AGBL4: variants seen among roughly 807,000 people sequenced by gnomAD.
AGBL4 encodes AGBL carboxypeptidase 4, also known as cytosolic carboxypeptidase 6.
A neutral mutation model predicts 66.4 loss-of-function variants in AGBL4; 58 were observed. The observed-to-expected ratio is 0.87, with a 90% CI of 0.71 to 1.09. The LOEUF is 1.09. Ranked by LOEUF, AGBL4 falls within the 50% of genes least tolerant of loss-of-function variation. The pLI is 0.00. For missense variants in AGBL4, 579 were observed against 631.0 expected, an observed-to-expected ratio of 0.92 and a Z score of 0.88; for synonymous variants, 234 against 222.9, an observed-to-expected ratio of 1.05 and a Z score of -0.44.
intron 2 of AGBL4, chr1:49,845,819 G>C (rs994380134): frequency 9.8e-6 from 15 of 1,527,274 alleles, no homozygotes; most frequent in Non-Finnish European, 1.2e-5. Context: ...ATGCACACAG[G>C]AGAGAAGCCG....
intron 6 of AGBL4, among the ~76,000 whole-genome samples, chr1:48,811,167 T>C (rs1389222035): frequency 2.6e-5 from 2 of 76,988 alleles, no homozygotes; most frequent in African/African-American, 1.1e-4. Context: ...AGATTGGGAG[T>C]GCAAGGTAGT....
At chr1:48,567,093 C>T (rs1644489440) in intron 11 of AGBL4, among the ~76,000 whole-genome samples, 1 of 152,176 alleles carries the variant, frequency 6.6e-6, no homozygotes, top group Non-Finnish European at 1.5e-5. Flanking sequence ...TGTCTGTTTA[C>T]CTTCATCAGG....
intron 3 of AGBL4, among the ~76,000 whole-genome samples, chr1:49,566,697 A>C (rs1042751625): frequency 6.6e-5 from 10 of 152,286 alleles, no homozygotes; most frequent in Admixed American, 1.3e-4. Flanking sequence ...GTGAGGTGTC[A>C]GTCCGCCCCT....
intron 4 of AGBL4, among the ~76,000 whole-genome samples, chr1:49,243,666 T>C (rs1177342528): frequency 3.3e-5 from 5 of 151,636 alleles, no homozygotes; most frequent in African/African-American, 4.8e-5. Flanking sequence ...CAACAGTGCA[T>C]AGCACATGAA....
At chr1:49,383,965 T>C (rs182939583) in intron 3 of AGBL4, among the ~76,000 whole-genome samples, 4 of 151,902 alleles carry the variant, frequency 2.6e-5, no homozygotes, top group African/African-American at 9.7e-5. Flanking sequence ...CCCAGCTAAT[T>C]TTTTGTATTT....
chr1:49,055,127 T>C (rs935348397), intron 4 of AGBL4, among the ~76,000 whole-genome samples: 1 of 152,046 alleles, frequency 6.6e-6, no homozygotes, highest in Non-Finnish European at 1.5e-5. Context: ...AGCTTATTAG[T>C]AGAGTCTTTT....
chr1:49,576,281 G>A (rs1351245429), intron 3 of AGBL4, among the ~76,000 whole-genome samples: 1 of 152,194 alleles, frequency 6.6e-6, no homozygotes, highest in Non-Finnish European at 1.5e-5. Context: ...TCCAGAACAG[G>A]AGAAGGCTCT....
chr1:48,684,650 A>G (rs1276302694), intron 6 of AGBL4, among the ~76,000 whole-genome samples: 1 of 152,238 alleles, frequency 6.6e-6, no homozygotes, highest in Non-Finnish European at 1.5e-5. Flanking sequence ...GGCAACATGC[A>G]TCTAACAGTT....
intron 6 of AGBL4, among the ~76,000 whole-genome samples, chr1:48,863,474 T>C (rs1647682065): frequency 6.6e-6 from 1 of 152,086 alleles, no homozygotes; most frequent in Non-Finnish European, 1.5e-5. Flanking sequence ...ATACTGTATT[T>C]TAAAAATTTA....
chr1:49,376,455 A>T (rs1644473869), intron 3 of AGBL4, among the ~76,000 whole-genome samples: 1 of 152,054 alleles, frequency 6.6e-6, no homozygotes, highest in African/African-American at 2.4e-5. Context: ...TCACAAGGCC[A>T]CATAAAAGAG....
intron 5 of AGBL4, among the ~76,000 whole-genome samples, chr1:48,923,092 A>T (rs1024014526): frequency 8.7e-4 from 123 of 141,340 alleles, no homozygotes; most frequent in African/African-American, 1.0e-3. Context: ...GAAAAAAATT[A>T]AAAAAAATAT....
chr1:49,659,271 C>G (rs113493151), intron 3 of AGBL4, among the ~76,000 whole-genome samples: 4,199 of 152,088 alleles, frequency 0.028, 167 homozygotes, highest in African/African-American at 0.096. Context: ...TACAAGATAA[C>G]CAGTTAGCAT....
At chr1:49,388,609 A>G (rs1159637360) in intron 3 of AGBL4, among the ~76,000 whole-genome samples, 1 of 152,194 alleles carries the variant, frequency 6.6e-6, no homozygotes, top group African/African-American at 2.4e-5. Context: ...TCTTGATTAA[A>G]TATGCTACAA....
intron 3 of AGBL4, among the ~76,000 whole-genome samples, chr1:49,376,627 A>G (rs1644477295): frequency 6.6e-6 from 1 of 151,828 alleles, no homozygotes; most frequent in Non-Finnish European, 1.5e-5. Flanking sequence ...TCTTTATTAA[A>G]CTCTATTCAG....
At chr1:49,132,645 A>G (rs756331231) in intron 4 of AGBL4, among the ~76,000 whole-genome samples, 1 of 152,016 alleles carries the variant, frequency 6.6e-6, no homozygotes, top group Non-Finnish European at 1.5e-5. Flanking sequence ...GCAGGGTATT[A>G]TTGTTAATCT....
chr1:49,269,858 A>G (rs1161079712), intron 3 of AGBL4, among the ~76,000 whole-genome samples: 1 of 152,184 alleles, frequency 6.6e-6, no homozygotes, highest in African/African-American at 2.4e-5. Flanking sequence ...TTTTCAAAGA[A>G]GCTTTAGAGA....
chr1:49,732,311 A>G (rs997271937), intron 2 of AGBL4, among the ~76,000 whole-genome samples: 1 of 152,230 alleles, frequency 6.6e-6, no homozygotes, highest in African/African-American at 2.4e-5. Context: ...AAAAAGGTCT[A>G]GCAGAAACTG....
At chr1:49,077,034 T>C (rs973908242) in intron 4 of AGBL4, among the ~76,000 whole-genome samples, 4 of 152,144 alleles carry the variant, frequency 2.6e-5, no homozygotes, top group Non-Finnish European at 5.9e-5. Context: ...TAAAATTCCC[T>C]ACAATTTTCC....
chr1:49,168,933 G>A (rs1439710044), intron 4 of AGBL4, among the ~76,000 whole-genome samples: 2 of 152,214 alleles, frequency 1.3e-5, no homozygotes, highest in African/African-American at 4.8e-5. Context: ...AATGTATGGA[G>A]GGATTGATGC....
Sources: gnomAD v4.1 joint callset for allele counts (sites outside exome capture counted in the v4.1 genomes callset) on GRCh38, gnomAD v4.1.1 for gene constraint, MANE v1.5 for transcripts, NCBI Gene and HGNC (gene_info 2026-07-23, HGNC 2026-07-21) for gene names.